ARHGAP6: variants seen among roughly 807,000 people sequenced by gnomAD.
The protein encoded by ARHGAP6 is rho GTPase-activating protein 6.
A neutral mutation model predicts 55.7 loss-of-function variants in ARHGAP6; 16 were observed. The ratio of observed to expected loss-of-function variants is 0.29; its 90% CI spans 0.19 to 0.44. The LOEUF (loss-of-function observed/expected upper bound fraction) is 0.44, where lower values mean the gene tolerates loss of function less well. Ranked by LOEUF, ARHGAP6 falls within the 20% of genes least tolerant of loss-of-function variation. ARHGAP6 has a pLI of 1.00. For synonymous variants in ARHGAP6, 382 were observed against 360.9 expected, an observed-to-expected ratio of 1.06 and a Z score of -0.66; for missense variants, 698 against 808.9, an observed-to-expected ratio of 0.86 and a Z score of 1.66.
chrX:11,342,534 T>C (rs2048719945), intron 1 of ARHGAP6, among the ~76,000 whole-genome samples: 1 of 111,882 alleles, frequency 8.9e-6, no homozygotes, highest in Admixed American at 9.5e-5. Context: ...TTTAAGTAAA[T>C]TCAATGAAAG....
At chrX:11,564,427 C>T (rs1367006617) in intron 1 of ARHGAP6, among the ~76,000 whole-genome samples, 1 of 109,525 alleles carries the variant, frequency 9.1e-6, no homozygotes, top group South Asian at 3.9e-4. Flanking sequence ...CCCATAAGTG[C>T]TTAGGTATAG....
intron 2 of ARHGAP6, among the ~76,000 whole-genome samples, chrX:11,215,663 T>C (rs1031859572): frequency 1.8e-5 from 2 of 112,826 alleles, no homozygotes; most frequent in Non-Finnish European, 3.8e-5. Flanking sequence ...AGGAAGCTCA[T>C]GGAGAAGCCT....
At chrX:11,296,109 T>C (rs958637973) in intron 1 of ARHGAP6, among the ~76,000 whole-genome samples, 1 of 112,498 alleles carries the variant, frequency 8.9e-6, no homozygotes, top group African/African-American at 3.2e-5. Context: ...ATCAACTCTT[T>C]CATTTTCCAT....
At chrX:11,185,269 C>A (rs1409547488) in intron 5 of ARHGAP6, among the ~76,000 whole-genome samples, 1 of 110,391 alleles carries the variant, frequency 9.1e-6, no homozygotes, top group Non-Finnish European at 1.9e-5. Context: ...ATTAAAAGAA[C>A]CTACACTTAA....
intron 1 of ARHGAP6, among the ~76,000 whole-genome samples, chrX:11,551,386 C>T (rs1368358983): frequency 9.0e-6 from 1 of 111,718 alleles, no homozygotes; most frequent in Non-Finnish European, 1.9e-5. Flanking sequence ...TCTCACCCTA[C>T]TCAGTTAAAG....
intron 1 of ARHGAP6, among the ~76,000 whole-genome samples, chrX:11,496,597 T>C (rs1486715837): frequency 3.6e-5 from 4 of 112,248 alleles, no homozygotes; most frequent in Non-Finnish European, 5.6e-5. Context: ...TTATTGTGCT[T>C]ATTTGTAACA....
At chrX:11,304,308 T>C (rs1340213797) in intron 1 of ARHGAP6, among the ~76,000 whole-genome samples, 1 of 110,729 alleles carries the variant, frequency 9.0e-6, no homozygotes, top group Non-Finnish European at 1.9e-5. Context: ...CAGGCTGGTC[T>C]TGAACTCCTG....
At chrX:11,198,967 C>T (rs2046581992) in intron 2 of ARHGAP6, among the ~76,000 whole-genome samples, 1 of 112,266 alleles carries the variant, frequency 8.9e-6, no homozygotes, top group Non-Finnish European at 1.9e-5. Context: ...GTTTTACCAT[C>T]TGTTCATGCA....
intron 1 of ARHGAP6, among the ~76,000 whole-genome samples, chrX:11,436,121 A>G (rs752089512): frequency 2.7e-5 from 3 of 112,504 alleles, no homozygotes; most frequent in Non-Finnish European, 5.6e-5. Context: ...ACCCATGCAG[A>G]GTCTATCGAA....
At chrX:11,426,207 A>G (rs1314706359) in intron 1 of ARHGAP6, among the ~76,000 whole-genome samples, 1 of 111,360 alleles carries the variant, frequency 9.0e-6, no homozygotes, top group African/African-American at 3.3e-5. Flanking sequence ...TTTCCAGTGG[A>G]GGAAAGCGAA....
chrX:11,140,552 G>A (rs1368459066), intron 12 of ARHGAP6, among the ~76,000 whole-genome samples: 1 of 110,872 alleles, frequency 9.0e-6, no homozygotes, highest in Admixed American at 9.5e-5. Flanking sequence ...GACTCCCGGG[G>A]CTCTGAGGAT....
intron 1 of ARHGAP6, among the ~76,000 whole-genome samples, chrX:11,270,186 T>A (rs148034608): frequency 6.3e-4 from 71 of 111,923 alleles, no homozygotes; most frequent in Admixed American, 1.0e-3. Context: ...ACCCAGGCAG[T>A]CTGTTTTCAA....
At chrX:11,443,710 C>T (rs1400882843) in intron 1 of ARHGAP6, among the ~76,000 whole-genome samples, 1 of 111,991 alleles carries the variant, frequency 8.9e-6, no homozygotes, top group Admixed American at 9.4e-5. Flanking sequence ...GGGTGGATCA[C>T]GAGGTCAGGA....
intron 1 of ARHGAP6, among the ~76,000 whole-genome samples, chrX:11,583,571 A>G (rs2051689605): frequency 8.9e-6 from 1 of 112,394 alleles, no homozygotes; most frequent in African/African-American, 3.2e-5. Flanking sequence ...ATAATTTCAA[A>G]CAACTTCATG....
chrX:11,380,970 C>A (rs185365655), intron 1 of ARHGAP6, among the ~76,000 whole-genome samples: 1 of 112,618 alleles, frequency 8.9e-6, no homozygotes, highest in African/African-American at 3.2e-5. Flanking sequence ...CTGCCCTAAC[C>A]ATTTGACTAC....
rs748125411 is a variant in ARHGAP6, at chrX:11,169,528, C to T, written c.1786G>A (p.Glu596Lys). ...AIIAVVQKMI[E>K]NYEALFMVPP... is the part of the protein sequence containing the mutation. ...ACCATGAACAGGGCTTCATAATTTT[C>T]AATCATCTTTTGCACAACAGCGATG... Residue 596 changes from glutamate to lysine, a missense_variant, in exon 9 of 13, where the codon GAA (glutamate) becomes AAA (lysine). Coordinates refer to ENST00000337414, the MANE Select transcript of ARHGAP6 (RefSeq NM_013427.3). 1 of 1,199,831 alleles carries T rather than the reference C, an allele frequency of 8.3e-7. No homozygotes were observed. The highest frequency in any genetic ancestry group is 1.1e-6 in the Non-Finnish European group (1 of 890,111).
intron 1 of ARHGAP6, among the ~76,000 whole-genome samples, chrX:11,565,823 A>T (rs1183997918): frequency 8.9e-6 from 1 of 111,974 alleles, no homozygotes; most frequent in Non-Finnish European, 1.9e-5. Flanking sequence ...TGTCGGTGGA[A>T]GGGCCAAAGG....
chrX:11,167,110 C>T (rs1300565216), intron 9 of ARHGAP6, among the ~76,000 whole-genome samples: 1 of 112,053 alleles, frequency 8.9e-6, no homozygotes, highest in Non-Finnish European at 1.9e-5. Context: ...ACCATTGAGT[C>T]ATTCATTAAT....
intron 2 of ARHGAP6, among the ~76,000 whole-genome samples, chrX:11,241,643 C>A (rs1260201122): frequency 9.2e-6 from 1 of 108,720 alleles, no homozygotes; most frequent in Admixed American, 1.0e-4. Context: ...CTCATGTTAT[C>A]AAAGTTTTTG....
Sources: gnomAD v4.1 joint callset for allele counts (sites outside exome capture counted in the v4.1 genomes callset) on GRCh38, gnomAD v4.1.1 for gene constraint, MANE v1.5 for transcripts, NCBI Gene and HGNC (gene_info 2026-07-23, HGNC 2026-07-21) for gene names.